AAK1: variants seen among roughly 807,000 people sequenced by gnomAD.
AAK1 encodes AP2-associated protein kinase 1.
Under a neutral mutation model 116.0 loss-of-function variants are expected in AAK1, and 37 were observed. The observed-to-expected ratio is 0.32, with a 90% confidence interval of 0.25 to 0.42. The LOEUF (loss-of-function observed/expected upper bound fraction) is 0.42. Ranked by LOEUF, AAK1 falls within the 10% of genes least tolerant of loss-of-function variation. AAK1 has a pLI of 1.00. For synonymous variants in AAK1, 458 were observed against 439.9 expected (o/e 1.04, Z -0.51); for missense variants, 919 against 1,170.6 (o/e 0.79, Z 3.14).
At chr2:69,621,960 G>A (rs1000151193) in intron 2 of AAK1, among the ~76,000 whole-genome samples, 6 of 152,354 alleles carry the variant, frequency 3.9e-5, no homozygotes, top group Middle Eastern at 3.4e-3. Flanking sequence ...ACGCCTCCTC[G>A]GCCTTGGCGC....
rs1674621526 is a variant in AAK1, at chr2:69,469,969, T to G, written c.*5900A>C. On this transcript the variant is annotated 3_prime_UTR_variant, in exon 22 of 22. Transcript: ENST00000409085. ...ATACCTGACAACTTGGCAACTATCCTCACCAGCTCCCTATTCACTTCCAAA... is the reference window on the plus strand; with the variant it reads ...ATACCTGACAACTTGGCAACTATCCGCACCAGCTCCCTATTCACTTCCAAA... 1 of 985,274 alleles carries G rather than the reference T, an allele frequency of 1.0e-6. No individual in the cohort carries two copies. Among genetic ancestry groups the G allele is most frequent in the East Asian group, 1.1e-4 (1 of 8,820 alleles). The allele number at this position is 985,274 out of a possible 1,614,324, so 61.0% of individuals were successfully genotyped here.
chr2:69,553,131 T>C (rs1373911010), intron 3 of AAK1, among the ~76,000 whole-genome samples: 1 of 152,072 alleles, frequency 6.6e-6, no homozygotes, highest in East Asian at 1.9e-4. Context: ...GGATATGAGT[T>C]TCTAGATTGA....
At chr2:69,566,274 C>G (rs1297953731) in intron 2 of AAK1, among the ~76,000 whole-genome samples, 1 of 151,998 alleles carries the variant, frequency 6.6e-6, no homozygotes, top group African/African-American at 2.4e-5. Flanking sequence ...AAGCTTTTTC[C>G]AGGAGAAAAG....
intron 2 of AAK1, 56 bp from the exon 3 acceptor site, chr2:69,557,034 A>G: frequency 7.2e-7 from 1 of 1,380,312 alleles, no homozygotes; most frequent in African/African-American, 1.4e-5. Context: ...AGTCAGCCAC[A>G]TAACTGTGGT....
intron 8 of AAK1, among the ~76,000 whole-genome samples, chr2:69,528,867 C>T (rs1387940399): frequency 1.3e-5 from 2 of 152,212 alleles, no homozygotes; most frequent in Admixed American, 1.3e-4. Flanking sequence ...TCAAAGTTGG[C>T]CATTTTCCCA....
intron 2 of AAK1, among the ~76,000 whole-genome samples, chr2:69,594,279 C>A (rs997891988): frequency 6.6e-6 from 1 of 152,136 alleles, no homozygotes; most frequent in Non-Finnish European, 1.5e-5. Flanking sequence ...CATCTGGCAC[C>A]CACATAAGGG....
chr2:69,494,137 C>G (rs1675648877), intron 17 of AAK1, among the ~76,000 whole-genome samples: 2 of 152,102 alleles, frequency 1.3e-5, no homozygotes, highest in Admixed American at 6.5e-5. Flanking sequence ...ATTAAAATGT[C>G]TCATTTTAGT....
chr2:69,484,743 C>T (rs143485254), intron 17 of AAK1, among the ~76,000 whole-genome samples: 3,628 of 151,992 alleles, frequency 0.024, 137 homozygotes, highest in African/African-American at 0.081. Context: ...GGCGTGGTGG[C>T]GCATGCCTGA....
rs754499877 is a variant in AAK1, at chr2:69,519,186, G to A, written c.1265C>T (p.Ala422Val). 6.3e-7 allele frequency: 1 copy of A among 1,588,658 alleles called. No individual in the cohort carries two copies. The highest frequency in any genetic ancestry group is 1.3e-5 in the African/African-American group (1 of 74,732). ...TTGCGGCAGAGGCTGGCTGGGTGGG[G>A]CTTGGGGTTTTGGTTGGGGAACACT... ...LASVPQPKPQ[A>V]PPSQPLPQTQ... The change falls in exon 12 of 22, where the codon GCC (alanine) becomes GTC (valine). Residue 422 changes from alanine to valine, a missense_variant. By Grantham distance (64) the Ala-to-Val change is moderately conservative. Coordinates refer to ENST00000409085, the MANE Select transcript of AAK1 (RefSeq NM_014911.5).
chr2:69,608,441 T>C (rs1673912704), intron 2 of AAK1, among the ~76,000 whole-genome samples: 2 of 152,210 alleles, frequency 1.3e-5, no homozygotes, highest in African/African-American at 4.8e-5. Context: ...TCATCTCCCA[T>C]GAGATTATGG....
intron 2 of AAK1, among the ~76,000 whole-genome samples, chr2:69,615,849 C>G (rs774437883): frequency 6.6e-6 from 1 of 152,246 alleles, no homozygotes; most frequent in East Asian, 1.9e-4. Flanking sequence ...GTGCTTTCAA[C>G]AGTGCCCTCA....
chr2:69,487,398 C>G (rs1675337870), intron 17 of AAK1, among the ~76,000 whole-genome samples: 2 of 152,130 alleles, frequency 1.3e-5, no homozygotes. Flanking sequence ...TGGAGAAGAA[C>G]AGCACAGAGA....
intron 2 of AAK1, among the ~76,000 whole-genome samples, chr2:69,572,394 G>A (rs754633498): frequency 1.3e-5 from 2 of 152,076 alleles, no homozygotes; most frequent in Non-Finnish European, 2.9e-5. Flanking sequence ...GAGGTGGGCA[G>A]ATCACCTGAG....
rs1410867265 is a variant in AAK1 at position 69,532,097 on chromosome 2, G to C, written c.600C>G (p.Asn200Lys). The change falls in exon 6 of 22, where the codon AAC becomes AAG. Residue 200 changes from asparagine (N) to lysine (K), a missense_variant. Physicochemically the swap from Asn to Lys is moderately conservative, Grantham distance 94. This residue lies in a region of AAK1 where 317 missense variants were observed against 490.4 expected (regional missense o/e 0.65). Coordinates refer to ENST00000409085, the MANE Select transcript of AAK1 (RefSeq NM_014911.5). The stretch of plus-strand genomic sequence containing the variant: ...CCTCAGTTTGTGGATTCTGGAATTT[G>C]TTGGTGGCGCTTCCAAAGTCACACA... Reference protein sequence around the residue: ...YVLCDFGSATNKFQNPQTEGV... With the variant: ...YVLCDFGSATKKFQNPQTEGV... 6.2e-7 allele frequency: 1 copy of C among 1,613,580 alleles called. No homozygotes were observed. Among genetic ancestry groups the C allele is most frequent in the Non-Finnish European group, 8.5e-7 (1 of 1,179,668 alleles).
intron 2 of AAK1, among the ~76,000 whole-genome samples, chr2:69,573,595 G>A (rs1199709839): frequency 1.3e-5 from 2 of 152,222 alleles, no homozygotes; most frequent in Non-Finnish European, 1.5e-5. Flanking sequence ...TGCCTGGAAA[G>A]CAATGTGGCA....
At chr2:69,482,599 G>T in intron 18 of AAK1, 112 bp downstream of exon 18, 1 of 844,650 alleles carries the variant, frequency 1.2e-6, no homozygotes, top group Non-Finnish European at 2.0e-6. Flanking sequence ...AATAGCCTTG[G>T]CTTCTGGGGT....
intron 17 of AAK1, among the ~76,000 whole-genome samples, chr2:69,485,532 G>A (rs1000412826): frequency 2.0e-5 from 3 of 152,164 alleles, no homozygotes; most frequent in Admixed American, 6.5e-5. Context: ...AAGCATGACT[G>A]AAGGTAAGGA....
chr2:69,546,155 T>C (rs1006747144), intron 3 of AAK1, among the ~76,000 whole-genome samples: 1 of 152,000 alleles, frequency 6.6e-6, no homozygotes, highest in African/African-American at 2.4e-5. Flanking sequence ...TGCATGCTGG[T>C]TTAAGGCGGA....
In AAK1 at chr2:69,462,952, G is replaced by A. The variant is rs1674379387; in HGVS notation, c.*12917C>T. On this transcript the variant is annotated 3_prime_UTR_variant, in exon 22 of 22. Coordinates refer to ENST00000409085, the MANE Select transcript of AAK1 (RefSeq NM_014911.5). ...GTGAAGGACATAGGTTTCTGGCACA[G>A]TTGAAACCTTAGTTGGAAAACCAAA... 1 of 152,240 alleles carries A rather than the reference G, an allele frequency of 6.6e-6. No individual in the cohort carries two copies. Among genetic ancestry groups the A allele is most frequent in the African/African-American group, 2.4e-5 (1 of 41,468 alleles). The allele number at this position is 152,240 out of a possible 1,614,324, so 9.4% of individuals were successfully genotyped here. A position where few individuals can be genotyped will look rare whatever the true frequency, so the allele number is the denominator to read the frequency against.
Sources: gnomAD v4.1 joint callset for allele counts (sites outside exome capture counted in the v4.1 genomes callset) on GRCh38, gnomAD v4.1.1 for gene constraint, gnomAD v4.1.1 regional missense constraint, MANE v1.5 for transcripts, NCBI Gene and HGNC (gene_info 2026-07-23, HGNC 2026-07-21) for gene names.